EFCAB6: variants seen among roughly 807,000 people sequenced by gnomAD.
EFCAB6 encodes the protein EF-hand calcium binding domain 6.
In EFCAB6, 156 loss-of-function variants were observed where a neutral mutation model predicts 169.8. The observed-to-expected ratio is 0.92, with a 90% CI of 0.81 to 1.05. The LOEUF is 1.05. Ranked by LOEUF, EFCAB6 falls within the 50% of genes least tolerant of loss-of-function variation. EFCAB6 has a pLI of 0.00. For synonymous variants in EFCAB6, 698 were observed against 676.4 expected (o/e 1.03, Z -0.50); for missense variants, 1,800 against 1,829.1 (o/e 0.98, Z 0.29).
At chr22:43,738,081 T>C (rs887908627) in intron 6 of EFCAB6, among the ~76,000 whole-genome samples, 43 of 134,802 alleles carry the variant, frequency 3.2e-4, no homozygotes, top group African/African-American at 1.2e-3. Flanking sequence ...CACACACACA[T>C]ACATGCAGAT....
intron 26 of EFCAB6, among the ~76,000 whole-genome samples, chr22:43,561,083 G>T (rs2049000115): frequency 6.6e-6 from 1 of 152,206 alleles, no homozygotes; most frequent in South Asian, 2.1e-4. Flanking sequence ...TACAGGCTGG[G>T]TGCAGTGGCT....
At chr22:43,681,311 T>C (rs1204802382) in intron 12 of EFCAB6, among the ~76,000 whole-genome samples, 1 of 152,238 alleles carries the variant, frequency 6.6e-6, no homozygotes, top group Non-Finnish European at 1.5e-5. Flanking sequence ...AAATCCCATG[T>C]GGTCACAGCA....
intron 13 of EFCAB6, among the ~76,000 whole-genome samples, chr22:43,676,857 G>A (rs953126713): frequency 1.2e-4 from 18 of 152,166 alleles, no homozygotes; most frequent in Admixed American, 9.2e-4. Context: ...ATTTTGCACA[G>A]AAACCATCAG....
intron 26 of EFCAB6, among the ~76,000 whole-genome samples, chr22:43,566,557 T>C (rs1233378709): frequency 2.6e-5 from 4 of 152,150 alleles, no homozygotes; most frequent in African/African-American, 4.8e-5. Context: ...CCCTGCTGTA[T>C]AGACAAAGTA....
chr22:43,573,346 TA>T (rs917513219), intron 26 of EFCAB6, among the ~76,000 whole-genome samples: 5 of 150,614 alleles, frequency 3.3e-5, no homozygotes, highest in Non-Finnish European at 7.4e-5. Context: ...AAATGTTTGT[TA>T]AAAAAAAAGA....
chr22:43,565,019 G>C (rs1478891732), intron 26 of EFCAB6, among the ~76,000 whole-genome samples: 1 of 152,212 alleles, frequency 6.6e-6, no homozygotes, highest in Admixed American at 6.5e-5. Flanking sequence ...TTGCCAGGGG[G>C]GGCTTTGTGG....
At chr22:43,556,281 G>A (rs1445019383) in intron 26 of EFCAB6, among the ~76,000 whole-genome samples, 1 of 152,202 alleles carries the variant, frequency 6.6e-6, no homozygotes, top group African/African-American at 2.4e-5. Context: ...GCTGAAATCA[G>A]AGGAAGGCTC....
At chr22:43,616,401 G>T (rs913542802) in intron 20 of EFCAB6, among the ~76,000 whole-genome samples, 1 of 152,202 alleles carries the variant, frequency 6.6e-6, no homozygotes, top group Non-Finnish European at 1.5e-5. Flanking sequence ...AGTGGCTCAC[G>T]CCTGTAATCC....
chr22:43,761,793 T>C (rs766081404), intron 5 of EFCAB6, among the ~76,000 whole-genome samples: 11 of 152,088 alleles, frequency 7.2e-5, no homozygotes, highest in Admixed American at 3.9e-4. Flanking sequence ...CCTTCTTTGA[T>C]AGTTTCATAT....
chr22:43,628,359 C>T lies in EFCAB6; in HGVS notation c.2233-1680G>A, dbSNP rs978481812. 1.3e-5 allele frequency among the ~76,000 whole-genome samples: 2 copies of T among 152,146 alleles called. No individual in the cohort carries two copies. The highest frequency in any genetic ancestry group is 4.8e-5 in the African/African-American group (2 of 41,440). On this transcript the variant is annotated intron_variant, in intron 19 of 31. Transcript: ENST00000262726. The surrounding 1 kb of genome is among the most constrained non-coding windows in gnomAD (Gnocchi z 4.8). ...CTTCAGAGTGCATTAGCACTGGACC[C>T]CCTCTCCCAGGCACACCACCTCGGC...
chr22:43,628,685 G>T lies in EFCAB6; in HGVS notation c.2233-2006C>A, dbSNP rs2054703962. ...GGGAGCCCTCTCCAGTGTCCGCAGG[G>T]CTCACTCTGGCTCCTTCATGACTGT... On this transcript the variant is annotated intron_variant, in intron 19 of 31. Coordinates refer to ENST00000262726, the MANE Select transcript of EFCAB6 (RefSeq NM_022785.4). The surrounding 1 kb of genome is among the most constrained non-coding windows in gnomAD (Gnocchi z 4.8). 6.6e-6 allele frequency among the ~76,000 whole-genome samples: 1 copy of T among 152,158 alleles called. No homozygotes were observed. The highest frequency in any genetic ancestry group is 2.4e-5 in the African/African-American group (1 of 41,420).
In EFCAB6 at chr22:43,537,275, C is replaced by A; in HGVS notation, c.4048+102G>T. On this transcript the variant is annotated intron_variant, in intron 29 of 31. Coordinates refer to ENST00000262726, the MANE Select transcript of EFCAB6 (RefSeq NM_022785.4). This position sits in a 1 kb window ranked among gnomAD's most constrained non-coding sequence, Gnocchi z 4.3. The stretch of plus-strand genomic sequence containing the variant: ...TTCCCACCAGTTTCCTGTTCTGCTG[C>A]TCCCTGGCCTCCACCCGGGGTGTGG... The A allele has an allele frequency of 7.0e-7, 1 of 1,429,380 alleles. No individual in the cohort carries two copies. The highest frequency in any genetic ancestry group is 2.3e-5 in the East Asian group (1 of 43,524). 88.5% of individuals were successfully genotyped at this position (1,429,380 alleles called of 1,614,324 possible).
intron 6 of EFCAB6, among the ~76,000 whole-genome samples, chr22:43,743,042 A>C (rs1421561124): frequency 6.6e-6 from 1 of 152,260 alleles, no homozygotes; most frequent in African/African-American, 2.4e-5. Context: ...TAAAGCAAGG[A>C]AATGAAGCTC....
At chr22:43,784,733 C>T (rs111953042) in intron 2 of EFCAB6, among the ~76,000 whole-genome samples, 10,831 of 137,876 alleles carry the variant, frequency 0.079, 634 homozygotes, top group East Asian at 0.2. Context: ...ATATATATGC[C>T]AGGCATGGTG....
At chr22:43,531,387 G>GA (rs1425333304) in intron 30 of EFCAB6, among the ~76,000 whole-genome samples, 1 of 151,698 alleles carries the variant, frequency 6.6e-6, no homozygotes, top group Non-Finnish European at 1.5e-5. Context: ...ATAGTTTGAG[G>GA]AAAAAAAGAG....
intron 6 of EFCAB6, among the ~76,000 whole-genome samples, chr22:43,752,698 C>A (rs1268896115): frequency 1.3e-5 from 2 of 152,180 alleles, no homozygotes; most frequent in Non-Finnish European, 2.9e-5. Flanking sequence ...ATCAAAGCAT[C>A]TGCCTGGAGT....
At chr22:43,786,183 C>A (rs1259156089) in intron 2 of EFCAB6, among the ~76,000 whole-genome samples, 3 of 151,470 alleles carry the variant, frequency 2.0e-5, no homozygotes, top group African/African-American at 7.3e-5. Flanking sequence ...GCCAACGTGG[C>A]GAAACCCCGT....
rs772930681 is a variant in EFCAB6 at position 43,540,129 on chromosome 22, A to G, written c.3877T>C (p.Cys1293Arg). The change falls in exon 28 of 32, where the codon TGT becomes CGT. Residue 1293 changes from cysteine to arginine, a missense_variant and splice_region_variant. Coordinates refer to ENST00000262726, the MANE Select transcript of EFCAB6 (RefSeq NM_022785.4). ...RPGSKSQSHP[C>R]TPASTTVIPG... ...ACCTGGCAGGATGGAGAACTCACAC[A>G]GGGGTGGCTCTGCGACTTTGACCCT... 1 of 1,613,874 alleles carries G rather than the reference A, an allele frequency of 6.2e-7. No homozygotes were observed. The highest frequency in any genetic ancestry group is 8.5e-7 in the Non-Finnish European group (1 of 1,179,858).
In EFCAB6 at chr22:43,731,512, G is replaced by C. The variant is rs140268788; in HGVS notation, c.757+187C>G. ...AGATTTTACCACATGGCTATATTGTGACTCATTTAGCCTTTTCCTATTCTT... is the reference window on the plus strand; with the variant it reads ...AGATTTTACCACATGGCTATATTGTCACTCATTTAGCCTTTTCCTATTCTT... On this transcript the variant is annotated intron_variant, in intron 8 of 31. Coordinates refer to ENST00000262726, the MANE Select transcript of EFCAB6 (RefSeq NM_022785.4). Among the ~76,000 whole-genome samples, 113 of 152,238 alleles carry C rather than the reference G, an allele frequency of 7.4e-4. No individual in the cohort carries two copies. The East Asian group carries it at 0.021, about 28-fold the overall frequency.
Sources: allele counts gnomAD v4.1 joint callset (sites outside exome capture counted in the v4.1 genomes callset), GRCh38; gene constraint gnomAD v4.1.1; non-coding constraint Gnocchi (gnomAD v3.1); transcripts MANE v1.5; gene names NCBI Gene and HGNC (gene_info 2026-07-23, HGNC 2026-07-21).